Variants in DPH1 observed in about 807,000 individuals in gnomAD.
DPH1 encodes the protein 2-(3-amino-3-carboxypropyl)histidine synthase subunit 1.
Under a neutral mutation model 55.3 loss-of-function variants are expected in DPH1, and 59 were observed. The ratio of observed to expected loss-of-function variants is 1.07; its 90% CI spans 0.87 to 1.33. The LOEUF is 1.33. Ranked by LOEUF, DPH1 falls within the 40% of genes most tolerant of loss-of-function variation. The probability of loss-of-function intolerance (pLI) is 0.00; values close to 1 mark genes in which losing one functional copy is unlikely to be tolerated. For synonymous variants in DPH1, 238 were observed against 235.5 expected (o/e 1.01, Z -0.10); for missense variants, 628 against 584.8 (o/e 1.07, Z -0.76).
At chr17:2,041,709 G>A (rs1247978522) in intron 11 of DPH1, 59 bp from the exon 12 acceptor site, 17 of 1,580,898 alleles carry the variant, frequency 1.1e-5, no homozygotes, top group Non-Finnish European at 1.5e-5. Flanking sequence ...CACAGGAGCG[G>A]AGCGGAGGGA....
At chr17:2,040,671 T>G in intron 9 of DPH1, 66 bp downstream of exon 9, 9 of 1,551,778 alleles carry the variant, frequency 5.8e-6, no homozygotes, top group Non-Finnish European at 8.0e-6. Flanking sequence ...CAGCTCGTCT[T>G]GAAGGCTGGA....
rs2067433525 is a variant in DPH1 at position 2,036,780 on chromosome 17, A to T, written c.559-55A>T. ...CCCCAGGTGCTCCAGGCTGTTTCTC[A>T]GCCCTGGCTCTCCTGCCCCAGCCGC... is the stretch of plus-strand genomic sequence containing the variant. On this transcript the variant is annotated intron_variant, in intron 5 of 12. Transcript: ENST00000263083. The surrounding 1 kb of genome is among the most constrained non-coding windows in gnomAD (Gnocchi z 4.8). 1.4e-5 allele frequency: 22 copies of T among 1,607,066 alleles called. No individual in the cohort carries two copies. Among genetic ancestry groups the T allele is most frequent in the Non-Finnish European group, 1.9e-5 (22 of 1,175,902 alleles).
rs2067421413 is a variant in DPH1 at position 2,036,188 on chromosome 17, G to C, written c.400+97G>C. ...ATGGCAGTGCCTTCTTGTCCTGCTTGGAGACACAAGGTCCCTCCTGGTTTC... is the reference window on the plus strand; with the variant it reads ...ATGGCAGTGCCTTCTTGTCCTGCTTCGAGACACAAGGTCCCTCCTGGTTTC... On this transcript the variant is annotated intron_variant, in intron 4 of 12. Transcript: ENST00000263083. This position sits in a 1 kb window ranked among gnomAD's most constrained non-coding sequence, Gnocchi z 4.8. 11 of 1,526,668 alleles carry C rather than the reference G, an allele frequency of 7.2e-6. No homozygotes were observed. In the East Asian group the frequency reaches 2.6e-4, roughly 36 times the overall value. The allele number at this position is 1,526,668 out of a possible 1,614,324, so 94.6% of individuals were successfully genotyped here.
At chr17:2,042,579 C>T (rs759123980) in intron 12 of DPH1, 26 bp from the exon 13 acceptor site, 3 of 1,507,050 alleles carry the variant, frequency 2.0e-6, no homozygotes, top group Admixed American at 2.3e-5. Context: ...GCCCTAATCC[C>T]ATCCTTTTTC....
intron 12 of DPH1, chr17:2,042,194 C>G: frequency 9.0e-6 from 13 of 1,437,302 alleles, no homozygotes; most frequent in Non-Finnish European, 1.2e-5. Context: ...ACCCGGTCCC[C>G]GACCCCCCGG....
At chr17:2,031,082 C>A (rs1040460005) in intron 1 of DPH1, among the ~76,000 whole-genome samples, 7 of 152,172 alleles carry the variant, frequency 4.6e-5, no homozygotes, top group African/African-American at 1.7e-4. Flanking sequence ...CTTTTCATAT[C>A]CTCAGACTCT....
At chr17:2,033,327 C>T (rs2067356099) in intron 1 of DPH1, 178 bp from the exon 2 acceptor site, 2 of 811,378 alleles carry the variant, frequency 2.5e-6, no homozygotes, top group East Asian at 2.7e-5. Context: ...TATTTAATTC[C>T]CTAATTGCTG....
intron 12 of DPH1, 121 bp from the exon 13 acceptor site, chr17:2,042,484 G>T: frequency 1.4e-6 from 2 of 1,397,400 alleles, no homozygotes; most frequent in Non-Finnish European, 9.4e-7. Context: ...ATTTCCCCCA[G>T]ACTTTTGCCT....
intron 3 of DPH1, among the ~76,000 whole-genome samples, chr17:2,035,213 T>G (rs1279413368): frequency 6.6e-6 from 1 of 151,836 alleles, no homozygotes; most frequent in Non-Finnish European, 1.5e-5. Context: ...ATTCCTAGGG[T>G]GAGTTCAGGG....
In DPH1 at chr17:2,040,567, C is replaced by G; in HGVS notation, c.969C>G (p.Ile323Met). 1 of 1,614,242 alleles carries G rather than the reference C, an allele frequency of 6.2e-7. No homozygotes were observed. Among genetic ancestry groups the G allele is most frequent in the Non-Finnish European group, 8.5e-7 (1 of 1,180,038 alleles). Residue 323 changes from isoleucine (I) to methionine (M), a missense_variant, in exon 9 of 13, where the codon ATC (isoleucine) becomes ATG (methionine). Transcript: ENST00000263083. ...TTGTGAGGCTGCTGCTCTCTGAGAT[C>G]TTCCCCAGCAAGCTTAGCCTACTTC... ...LSFVRLLLSE[I>M]FPSKLSLLPE... is the part of the protein sequence containing the mutation.
intron 9 of DPH1, 52 bp from the exon 10 acceptor site, chr17:2,041,050 GC>G: frequency 6.5e-7 from 1 of 1,541,074 alleles, no homozygotes; most frequent in Non-Finnish European, 8.8e-7. Flanking sequence ...TCAGCATGCT[GC>G]CTGGGCGACG....
In DPH1 at chr17:2,040,207, T is replaced by G; in HGVS notation, c.750-11T>G. The G allele has an allele frequency of 6.2e-7, 1 of 1,613,604 alleles. No individual in the cohort carries two copies. Among genetic ancestry groups the G allele is most frequent in the South Asian group, 1.1e-5 (1 of 91,088 alleles). ...TGGCTGCCACAGTGACCCTGACTGCTTCTTTTCCAGGTATGACCCATATAG... is the reference window on the plus strand; with the variant it reads ...TGGCTGCCACAGTGACCCTGACTGCGTCTTTTCCAGGTATGACCCATATAG... On this transcript the variant is annotated splice_polypyrimidine_tract_variant and intron_variant, in intron 7 of 12. Coordinates refer to ENST00000263083, the MANE Select transcript of DPH1 (RefSeq NM_001383.6).
In DPH1 at chr17:2,042,957, C is replaced by CAA; in HGVS notation, c.*373_*374dup. On this transcript the variant is annotated 3_prime_UTR_variant, in exon 13 of 13. Coordinates refer to ENST00000263083, the MANE Select transcript of DPH1 (RefSeq NM_001383.6). ...CGCTCCATGTTTTTGGGGACACTGACAAAGTCATCCCCTCTCAGGAGAGTG... is the reference window on the plus strand; with the variant it reads ...CGCTCCATGTTTTTGGGGACACTGACAAAAAGTCATCCCCTCTCAGGAGAGTG... 1 of 1,614,168 alleles carries CAA rather than the reference C, an allele frequency of 6.2e-7. No homozygotes were observed. Among genetic ancestry groups the CAA allele is most frequent in the Non-Finnish European group, 8.5e-7 (1 of 1,180,038 alleles).
At chr17:2,041,290 G>A in intron 10 of DPH1, 109 bp downstream of exon 10, 1 of 1,481,532 alleles carries the variant, frequency 6.7e-7, no homozygotes, top group Non-Finnish European at 9.2e-7. Flanking sequence ...GTAGATTCCG[G>A]AGTCTGTCTC....
chr17:2,033,736 C>A (rs1032773269), intron 2 of DPH1, 43 bp from the exon 3 acceptor site: 7 of 1,614,024 alleles, frequency 4.3e-6, no homozygotes, highest in Non-Finnish European at 5.9e-6. Flanking sequence ...CCTTGCAGCC[C>A]CTTCCTAGCC....
chr17:2,035,317 A>T (rs2067396901), intron 3 of DPH1, among the ~76,000 whole-genome samples: 2 of 148,970 alleles, frequency 1.3e-5, no homozygotes, highest in South Asian at 4.3e-4. Context: ...CCTCTTCCTG[A>T]TGCAGGAGGC....
intron 12 of DPH1, 77 bp downstream of exon 12, chr17:2,041,952 T>C (rs2067537617): frequency 2.0e-6 from 3 of 1,523,156 alleles, no homozygotes; most frequent in South Asian, 2.4e-5. Context: ...AGGCCCGCCC[T>C]CGGGGCGGTG....
rs892646552 is a variant in DPH1, at chr17:2,041,759, C to T, written c.1228-9C>T. The T allele has an allele frequency of 6.2e-7, 1 of 1,600,092 alleles. No homozygotes were observed. Among genetic ancestry groups the T allele is most frequent in the African/African-American group, 1.3e-5 (1 of 74,672 alleles). On this transcript the variant is annotated splice_polypyrimidine_tract_variant and intron_variant, in intron 11 of 12. Transcript: ENST00000263083. ...GGAGCGAGACCCTAACCAAAGTCTGCGACCTCAGGTGCAGGAGGGGTCCGC... is the reference window on the plus strand; with the variant it reads ...GGAGCGAGACCCTAACCAAAGTCTGTGACCTCAGGTGCAGGAGGGGTCCGC...
chr17:2,033,058 C>T (rs2067352865), intron 1 of DPH1, among the ~76,000 whole-genome samples: 1 of 152,060 alleles, frequency 6.6e-6, no homozygotes, highest in Admixed American at 6.5e-5. Flanking sequence ...GGCTGGGCTT[C>T]TGGGGATCTT....
Sources: allele counts gnomAD v4.1 joint callset (sites outside exome capture counted in the v4.1 genomes callset), GRCh38; gene constraint gnomAD v4.1.1; non-coding constraint Gnocchi (gnomAD v3.1); transcripts MANE v1.5; gene names NCBI Gene and HGNC (gene_info 2026-07-23, HGNC 2026-07-21).